Variants in MARCHF4 observed in about 807,000 individuals in gnomAD.
MARCHF4 encodes membrane associated ring-CH-type finger 4, also known as E3 ubiquitin-protein ligase MARCHF4.
A neutral mutation model predicts 43.9 loss-of-function variants in MARCHF4; 14 were observed. The observed-to-expected ratio is 0.32, with a 90% CI of 0.21 to 0.50. The LOEUF is 0.50. MARCHF4 is among the 20% of genes least tolerant of loss of function. The probability of loss-of-function intolerance (pLI) is 0.98; values close to 1 mark genes in which losing one functional copy is unlikely to be tolerated. For synonymous variants in MARCHF4, 226 were observed against 213.3 expected (o/e 1.06, Z -0.52); for missense variants, 468 against 536.7 (o/e 0.87, Z 1.27).
chr2:216,339,549 C>G (rs1692207721), intron 1 of MARCHF4, among the ~76,000 whole-genome samples: 1 of 152,192 alleles, frequency 6.6e-6, no homozygotes, highest in Non-Finnish European at 1.5e-5. Context: ...CTACCCTTCC[C>G]CTCCTCTTGT....
At chr2:216,367,960 G>C (rs1692692363) in intron 1 of MARCHF4, among the ~76,000 whole-genome samples, 1 of 152,126 alleles carries the variant, frequency 6.6e-6, no homozygotes, top group African/African-American at 2.4e-5. Flanking sequence ...GGCATGAAAA[G>C]GTGTCTCCAA....
At chr2:216,267,176 A>C (rs552388037) in intron 3 of MARCHF4, among the ~76,000 whole-genome samples, 17 of 152,182 alleles carry the variant, frequency 1.1e-4, no homozygotes, top group Non-Finnish European at 2.4e-4. Flanking sequence ...CCTTGGTATA[A>C]AGTTGCCACT....
chr2:216,350,802 T>C (rs975383388), intron 1 of MARCHF4, among the ~76,000 whole-genome samples: 2 of 152,218 alleles, frequency 1.3e-5, no homozygotes, highest in East Asian at 1.9e-4. Flanking sequence ...CACACACTTA[T>C]CTCTCTTGTT....
At chr2:216,322,445 A>AAATTACAGT (rs1286121810) in intron 1 of MARCHF4, among the ~76,000 whole-genome samples, 32 of 152,354 alleles carry the variant, frequency 2.1e-4, no homozygotes, top group African/African-American at 7.5e-4. Context: ...GAACCTCCTG[A>AAATTACAGT]AATTACAGTA....
At chr2:216,323,744 A>C (rs1691943181) in intron 1 of MARCHF4, among the ~76,000 whole-genome samples, 1 of 152,232 alleles carries the variant, frequency 6.6e-6, no homozygotes, top group South Asian at 2.1e-4. Flanking sequence ...AGGCAGAAAT[A>C]AAGATGTTCT....
intron 1 of MARCHF4, among the ~76,000 whole-genome samples, chr2:216,354,955 CT>C (rs1185679160): frequency 2.2e-4 from 30 of 138,868 alleles, no homozygotes; most frequent in Admixed American, 1.6e-3. Flanking sequence ...TTCTTTCTTT[CT>C]TTCTTTCTTT....
chr2:216,261,330 T>C (rs1403705819), intron 3 of MARCHF4, among the ~76,000 whole-genome samples: 1 of 152,154 alleles, frequency 6.6e-6, no homozygotes, highest in Non-Finnish European at 1.5e-5. Context: ...AATTTCTGCC[T>C]CGTTCTTGCA....
At chr2:216,315,917 C>T (rs1691767995) in intron 1 of MARCHF4, among the ~76,000 whole-genome samples, 2 of 152,302 alleles carry the variant, frequency 1.3e-5, no homozygotes, top group South Asian at 4.1e-4. Context: ...CCATCTATTT[C>T]GCTTCCTGGG....
At chr2:216,304,580 T>C (rs6756522) in intron 1 of MARCHF4, among the ~76,000 whole-genome samples, 10,468 of 152,278 alleles carry the variant, frequency 0.069, 1,184 homozygotes, top group African/African-American at 0.24. Context: ...AAATAGGAGA[T>C]GCATCATTCC....
chr2:216,279,591 G>A (rs1299137134), intron 2 of MARCHF4, among the ~76,000 whole-genome samples: 1 of 152,348 alleles, frequency 6.6e-6, no homozygotes. Context: ...CCAACAGGGA[G>A]ACCCGGATGG....
chr2:216,272,092 A>T (rs905300869), intron 3 of MARCHF4, among the ~76,000 whole-genome samples: 1 of 151,742 alleles, frequency 6.6e-6, no homozygotes, highest in African/African-American at 2.4e-5. Flanking sequence ...TGTATCAAGC[A>T]ATCCTCCCAG....
chr2:216,330,939 T>C (rs1286328349), intron 1 of MARCHF4, among the ~76,000 whole-genome samples: 1 of 151,714 alleles, frequency 6.6e-6, no homozygotes, highest in African/African-American at 2.4e-5. Context: ...AACGGCAAAT[T>C]AAACTCAAAG....
intron 3 of MARCHF4, among the ~76,000 whole-genome samples, chr2:216,264,185 G>A (rs989734928): frequency 3.3e-5 from 5 of 152,214 alleles, no homozygotes; most frequent in African/African-American, 1.2e-4. Context: ...AGTCTTCAAG[G>A]TTCATCGAAA....
intron 1 of MARCHF4, among the ~76,000 whole-genome samples, chr2:216,336,180 T>C (rs1387929866): frequency 6.6e-6 from 1 of 151,654 alleles, no homozygotes; most frequent in African/African-American, 2.4e-5. Context: ...AGAAAGTAGC[T>C]GAACACTGAA....
intron 2 of MARCHF4, among the ~76,000 whole-genome samples, chr2:216,282,442 A>G (rs1230189117): frequency 6.9e-6 from 1 of 144,816 alleles, no homozygotes; most frequent in African/African-American, 2.5e-5. Flanking sequence ...CCCAACCCCC[A>G]TTACCCCTCC....
intron 1 of MARCHF4, among the ~76,000 whole-genome samples, chr2:216,363,065 T>C (rs961988163): frequency 6.6e-6 from 1 of 152,012 alleles, no homozygotes; most frequent in South Asian, 2.1e-4. Context: ...TTTTCCAGCA[T>C]ACCAGCTGGA....
chr2:216,315,707 A>G (rs1296123917), intron 1 of MARCHF4, among the ~76,000 whole-genome samples: 1 of 152,204 alleles, frequency 6.6e-6, no homozygotes, highest in African/African-American at 2.4e-5. Flanking sequence ...AATGTCCGTA[A>G]AATGTTAACA....
In MARCHF4 at chr2:216,370,434, T is replaced by C; in HGVS notation, c.-174A>G. On this transcript the variant is annotated 5_prime_UTR_variant, in exon 1 of 4. Transcript: ENST00000273067. ...ATAAATTGCTCCCAGGACTGAGAAG[T>C]GTGAGTCACTGGTTCTGAACTCCAC... 1 of 533,930 alleles carries C rather than the reference T, an allele frequency of 1.9e-6. No homozygotes were observed. Among genetic ancestry groups the C allele is most frequent in the Non-Finnish European group, 3.2e-6 (1 of 308,526 alleles). 33.1% of individuals were successfully genotyped at this position (533,930 alleles called of 1,614,324 possible).
intron 1 of MARCHF4, among the ~76,000 whole-genome samples, chr2:216,345,047 G>T (rs1284021300): frequency 6.6e-6 from 1 of 152,074 alleles, no homozygotes; most frequent in African/African-American, 2.4e-5. Context: ...AGAAGGCAAG[G>T]TCATCTGCTG....
Sources: allele counts gnomAD v4.1 joint callset (sites outside exome capture counted in the v4.1 genomes callset), GRCh38; gene constraint gnomAD v4.1.1; transcripts MANE v1.5; gene names NCBI Gene and HGNC (gene_info 2026-07-23, HGNC 2026-07-21).